The following DMXL1 variants were observed in gnomAD, a reference collection of about 807,000 sequenced individuals.
DMXL1 encodes dmX-like protein 1.
In DMXL1, 99 loss-of-function variants were observed where a neutral mutation model predicts 319.2. The observed-to-expected ratio is 0.31, with a 90% CI of 0.26 to 0.37. The LOEUF is 0.37. Among genes scored for constraint, DMXL1 ranks in the 10% least tolerant of loss-of-function variants. The pLI is 1.00. For synonymous variants in DMXL1, 1,385 were observed against 1,235.2 expected, an observed-to-expected ratio of 1.12 and a Z score of -2.54; for missense variants, 3,745 against 3,595.6, an observed-to-expected ratio of 1.04 and a Z score of -1.06.
chr5:119,205,171 A>G (rs1046337665), intron 33 of DMXL1, among the ~76,000 whole-genome samples: 2 of 152,138 alleles, frequency 1.3e-5, no homozygotes, highest in African/African-American at 4.8e-5. Flanking sequence ...AAAAATTGAC[A>G]TATTTGATTA....
At chr5:119,074,675 A>T (rs1486736006) in intron 1 of DMXL1, among the ~76,000 whole-genome samples, 1 of 152,216 alleles carries the variant, frequency 6.6e-6, no homozygotes, top group African/African-American at 2.4e-5. Context: ...TGCTCTTAGT[A>T]AGAAAACCTC....
Position 119,082,016 on chromosome 5 carries a change from TATATACACACACAC to T in DMXL1, c.87+10362_87+10375del, listed in dbSNP as rs1286832977. Among the ~76,000 whole-genome samples the T allele has an allele frequency of 3.6e-3, 281 of 78,706 alleles. 1 individual carries two copies. Among genetic ancestry groups the T allele is most frequent in the African/African-American group, 9.3e-3 (255 of 27,358 alleles). The allele number at this position is 78,706 out of a possible 152,430, so 51.6% of individuals were successfully genotyped here. On this transcript the variant is annotated intron_variant, in intron 1 of 43. Transcript: ENST00000539542. Reference sequence around the variant, plus strand: ...TTAAGGTTATATATATATATATATATATATACACACACACACACACACACACACACACACACACA... The same window carrying T: ...TTAAGGTTATATATATATATATATATACACACACACACACACACACACACA...
intron 13 of DMXL1, among the ~76,000 whole-genome samples, chr5:119,135,460 G>T (rs932039295): frequency 6.6e-6 from 1 of 152,214 alleles, no homozygotes; most frequent in Non-Finnish European, 1.5e-5. Context: ...ATTTATTAAA[G>T]AGAATGTGAT....
chr5:119,130,276 C>A (rs151164529), intron 10 of DMXL1, among the ~76,000 whole-genome samples: 2 of 151,932 alleles, frequency 1.3e-5, no homozygotes, highest in African/African-American at 2.4e-5. Context: ...AATACAGACA[C>A]TTAAAAGTTG....
At chr5:119,229,580 A>C (rs1164286661) in intron 38 of DMXL1, among the ~76,000 whole-genome samples, 1 of 152,206 alleles carries the variant, frequency 6.6e-6, no homozygotes, top group Non-Finnish European at 1.5e-5. Context: ...AATATGGAAC[A>C]GTCTGCTTTA....
chr5:119,184,059 C>CTTTTTTTTTTTT lies in DMXL1; in HGVS notation c.7136-5648_7136-5637dup, dbSNP rs1404022848. Among the ~76,000 whole-genome samples, 754 of 140,262 alleles carry CTTTTTTTTTTTT rather than the reference C, an allele frequency of 5.4e-3. 20 individuals are homozygous for CTTTTTTTTTTTT. Among genetic ancestry groups the CTTTTTTTTTTTT allele is most frequent in the African/African-American group, 0.02 (722 of 36,252 alleles). 92.0% of individuals were successfully genotyped at this position (140,262 alleles called of 152,430 possible). A position where few individuals can be genotyped will look rare whatever the true frequency, so the allele number is the denominator to read the frequency against. ...ACTCCCTCATTCAATGTTTTCTTCT[C>CTTTTTTTTTTTT]TTTTTTTTTTTTGAGACAGGGTCTT... is the stretch of plus-strand genomic sequence containing the variant. On this transcript the variant is annotated intron_variant, in intron 28 of 43. Transcript: ENST00000539542.
rs7719110 is a variant in DMXL1 at position 119,103,497 on chromosome 5, A to G, written c.285+1491A>G. 8.8e-3 allele frequency among the ~76,000 whole-genome samples: 1,342 copies of G among 152,316 alleles called. 17 individuals carry two copies. The highest frequency in any genetic ancestry group is 0.031 in the African/African-American group (1,269 of 41,574). On this transcript the variant is annotated intron_variant, in intron 3 of 43. Transcript: ENST00000539542. The stretch of plus-strand genomic sequence containing the variant: ...ACAAGTGAAGCAGCTGTTAAGCCAC[A>G]GAACTAAGAGTAAAACCATCTGTAT...
chr5:119,073,287 C>T (rs958126623), intron 1 of DMXL1, among the ~76,000 whole-genome samples: 1 of 152,114 alleles, frequency 6.6e-6, no homozygotes, highest in African/African-American at 2.4e-5. Flanking sequence ...GTCTTGACTT[C>T]CTGGGCTCAA....
intron 42 of DMXL1, among the ~76,000 whole-genome samples, chr5:119,243,042 T>A (rs186381564): frequency 1.3e-5 from 2 of 152,302 alleles, no homozygotes; most frequent in Non-Finnish European, 2.9e-5. Flanking sequence ...ATTGCTTTTG[T>A]TGGGGAGGAG....
intron 29 of DMXL1, among the ~76,000 whole-genome samples, chr5:119,191,812 C>G (rs1448802031): frequency 6.6e-6 from 1 of 152,236 alleles, no homozygotes. Context: ...GGTGGAACAC[C>G]TACACCACAG....
chr5:119,200,788 T>C (rs1027248100), intron 32 of DMXL1, among the ~76,000 whole-genome samples: 1 of 152,198 alleles, frequency 6.6e-6, no homozygotes, highest in Non-Finnish European at 1.5e-5. Context: ...TTTCACCTCC[T>C]GGTTAGCTGT....
rs1158051993 is a variant in DMXL1, at chr5:119,206,811, G to A, written c.7864-23G>A. On this transcript the variant is annotated intron_variant, in intron 33 of 43. Coordinates refer to ENST00000539542, the MANE Select transcript of DMXL1 (RefSeq NM_001290321.3). ...ACATCTCATCTTTACTCTTTGTCAT[G>A]TGGTTATTCTTTCTTGATGAAGTCA... is the stretch of plus-strand genomic sequence containing the variant. The A allele has an allele frequency of 1.5e-5, 22 of 1,449,974 alleles. 1 individual carries two copies. In the South Asian group the frequency reaches 2.6e-4, roughly 17 times the overall value. The allele number at this position is 1,449,974 out of a possible 1,614,324, so 89.8% of individuals were successfully genotyped here.
At chr5:119,168,660 T>C (rs920578424) in intron 23 of DMXL1, among the ~76,000 whole-genome samples, 1 of 152,084 alleles carries the variant, frequency 6.6e-6, no homozygotes, top group African/African-American at 2.4e-5. Flanking sequence ...CTAGCCTCTA[T>C]GTAATGAAGG....
At chr5:119,104,297 A>G (rs1757879221) in intron 3 of DMXL1, 1 of 152,226 alleles carries the variant, frequency 6.6e-6, no homozygotes. Flanking sequence ...TGATTGAAAG[A>G]CATTCCTGCA....
intron 18 of DMXL1, 77 bp from the exon 19 acceptor site, chr5:119,151,852 G>T (rs1769870495): frequency 2.4e-6 from 2 of 837,344 alleles, no homozygotes; most frequent in East Asian, 5.0e-5. Context: ...GGTTAAGAAT[G>T]TTATATGCCT....
Position 119,170,301 on chromosome 5 carries a change from A to G in DMXL1, c.5510A>G (p.His1837Arg), listed in dbSNP as rs564680072. Residue 1837 changes from histidine to arginine, a missense_variant, in exon 24 of 44, where the codon CAT (histidine) becomes CGT (arginine). By Grantham distance (29) the His-to-Arg change is conservative (BLOSUM62 0). Coordinates refer to ENST00000539542, the MANE Select transcript of DMXL1 (RefSeq NM_001290321.3). ...GGATCATCTGATACATTTTCCACAC[A>G]TATGAGCCTAACAGGAAAAAGTGGA... The part of the protein sequence containing the change: ...HFGSSDTFST[H>R]MSLTGKSGLA... 1.1e-5 allele frequency: 17 copies of G among 1,613,970 alleles called. No individual in the cohort carries two copies. In the South Asian group the frequency reaches 1.8e-4, roughly 17 times the overall value.
intron 28 of DMXL1, chr5:119,178,759 A>G: frequency 2.0e-6 from 1 of 505,106 alleles, no homozygotes; most frequent in Non-Finnish European, 2.6e-6. Context: ...GGGTTGGGGT[A>G]CAGTGGGACA....
rs969379689 is a variant in DMXL1 at position 119,117,442 on chromosome 5, T to C, written c.743+1106T>C. Among the ~76,000 whole-genome samples, 3 of 152,226 alleles carry C rather than the reference T, an allele frequency of 2.0e-5. No individual in the cohort carries two copies. In the South Asian group the frequency reaches 6.2e-4, roughly 32 times the overall value. Reference sequence around the variant, plus strand: ...TTCTATGAATTTTGCTGACTAGATGTTTTGAGCTATAGTGTAGCTATAGCC... The same window carrying C: ...TTCTATGAATTTTGCTGACTAGATGCTTTGAGCTATAGTGTAGCTATAGCC... On this transcript the variant is annotated intron_variant, in intron 7 of 43. Transcript: ENST00000539542.
intron 1 of DMXL1, among the ~76,000 whole-genome samples, chr5:119,079,387 C>G (rs1398285265): frequency 2.0e-5 from 3 of 152,228 alleles, no homozygotes; most frequent in Non-Finnish European, 4.4e-5. Context: ...CAGGCTGTCT[C>G]TGGGAGCTCA....
Sources: allele counts gnomAD v4.1 joint callset (sites outside exome capture counted in the v4.1 genomes callset), GRCh38; gene constraint gnomAD v4.1.1; transcripts MANE v1.5; gene names NCBI Gene and HGNC (gene_info 2026-07-23, HGNC 2026-07-21).